Variants in ACSL6 observed in about 807,000 individuals in gnomAD.
ACSL6 encodes the protein long-chain-fatty-acid--CoA ligase 6.
A neutral mutation model predicts 98.2 loss-of-function variants in ACSL6; 47 were observed. That is an observed-to-expected ratio of 0.48 (90% CI 0.38 to 0.61). The LOEUF is 0.61. ACSL6 is among the 20% of genes least tolerant of loss of function. The pLI, the probability that ACSL6 is intolerant of heterozygous loss-of-function variation, is 0.00. For missense variants in ACSL6, 761 were observed against 913.4 expected (o/e 0.83, Z 2.15); for synonymous variants, 362 against 336.9 (o/e 1.07, Z -0.82).
intron 4 of ACSL6, 113 bp downstream of exon 4, chr5:131,989,987 C>G (rs1383690391): frequency 8.6e-7 from 1 of 1,160,506 alleles, no homozygotes; most frequent in African/African-American, 1.5e-5. Flanking sequence ...GCAGACAGGC[C>G]AGGGAAATAA....
chr5:131,951,982 C>A lies in ACSL6; in HGVS notation c.*2252G>T, dbSNP rs1212000867. The A allele has an allele frequency of 5.6e-6, 1 of 177,234 alleles. No homozygotes were observed. The highest frequency in any genetic ancestry group is 1.2e-5 in the Non-Finnish European group (1 of 82,480). The allele number at this position is 177,234 out of a possible 1,614,324, so 11.0% of individuals were successfully genotyped here. On this transcript the variant is annotated 3_prime_UTR_variant, in exon 21 of 21. Transcript: ENST00000651883. ...TAAGTTTTACATTACTTGTTTCTGT[C>A]ACATTGTTCAAAATTCTTTTGGGCT... is the stretch of plus-strand genomic sequence containing the variant.
rs1427219978 is a variant in ACSL6 at position 131,972,955 on chromosome 5, C to T, written c.1204-97G>A. ...AGGCCCAGACTGGCCAGCAGAGAAG[C>T]CATGTTCCATTTTGCCCCTGCAGGA... On this transcript the variant is annotated intron_variant, in intron 12 of 20. Transcript: ENST00000651883. The T allele has an allele frequency of 5.8e-6, 9 of 1,549,000 alleles. No individual in the cohort carries two copies. The East Asian group carries it at 1.8e-4, about 32-fold the overall frequency.
At chr5:131,967,036 G>GA (rs1329456400) in intron 16 of ACSL6, among the ~76,000 whole-genome samples, 38 of 152,276 alleles carry the variant, frequency 2.5e-4, no homozygotes, top group Admixed American at 8.5e-4. Flanking sequence ...ACAGTTAGGG[G>GA]AAAAAATGAA....
At chr5:131,985,560 T>C in intron 8 of ACSL6, 102 bp from the exon 9 acceptor site, 1 of 1,240,254 alleles carries the variant, frequency 8.1e-7, no homozygotes, top group Non-Finnish European at 1.2e-6. Flanking sequence ...ATGTATGCTG[T>C]ATGTGGGTGT....
At chr5:131,996,738 A>G (rs535155785) in intron 1 of ACSL6, among the ~76,000 whole-genome samples, 1 of 152,196 alleles carries the variant, frequency 6.6e-6, no homozygotes, top group Non-Finnish European at 1.5e-5. Context: ...TCTGTCTTTC[A>G]ACGCATCTGG....
At chr5:131,988,251 C>A in intron 6 of ACSL6, 25 bp from the exon 7 acceptor site, 1 of 1,611,690 alleles carries the variant, frequency 6.2e-7, no homozygotes, top group Non-Finnish European at 8.5e-7. Context: ...CAAGGAGAGT[C>A]AGGCCATGTG....
At chr5:131,961,749 A>G (rs977457375) in intron 18 of ACSL6, among the ~76,000 whole-genome samples, 2 of 152,162 alleles carry the variant, frequency 1.3e-5, no homozygotes, top group African/African-American at 4.8e-5. Context: ...AAATCTAAAT[A>G]GTATTGAAAG....
At chr5:131,965,569 A>C (rs1002336476) in intron 17 of ACSL6, among the ~76,000 whole-genome samples, 2 of 152,068 alleles carry the variant, frequency 1.3e-5, no homozygotes, top group Admixed American at 1.3e-4. Context: ...AAAATACAAA[A>C]AAGTTAGCCA....
rs765816586 is a variant in ACSL6, at chr5:131,988,938, A to AG, written c.553-35dup. On this transcript the variant is annotated intron_variant, in intron 5 of 20. Coordinates refer to ENST00000651883, the MANE Select transcript of ACSL6 (RefSeq NM_001009185.3). Reference sequence around the variant, plus strand: ...ACACATGAGGCGGGGGTGGGGAAGAAGGGGAGATTAGAGGGCTGTCCTGCC... The same window carrying AG: ...ACACATGAGGCGGGGGTGGGGAAGAAGGGGGAGATTAGAGGGCTGTCCTGCC... 2.5e-5 allele frequency: 40 copies of AG among 1,591,000 alleles called. 1 individual carries two copies. The South Asian group carries it at 4.4e-4, about 18-fold the overall frequency.
intron 9 of ACSL6, among the ~76,000 whole-genome samples, chr5:131,977,628 A>G (rs1398822405): frequency 6.6e-6 from 1 of 152,204 alleles, no homozygotes; most frequent in Non-Finnish European, 1.5e-5. Context: ...AAGATGTTAA[A>G]TTAGGTTCCA....
intron 1 of ACSL6, chr5:131,999,283 G>A (rs1754943763): frequency 6.6e-6 from 1 of 152,280 alleles, no homozygotes. Flanking sequence ...CATGGACAGA[G>A]AGTGCAGTGC....
intron 1 of ACSL6, among the ~76,000 whole-genome samples, chr5:132,000,800 G>A (rs950117662): frequency 2.0e-5 from 3 of 152,182 alleles, no homozygotes; most frequent in African/African-American, 7.2e-5. Flanking sequence ...CTGCTCCCTT[G>A]CTGCAAGAAT....
intron 9 of ACSL6, among the ~76,000 whole-genome samples, chr5:131,980,658 C>G (rs1753842339): frequency 6.6e-6 from 1 of 152,178 alleles, no homozygotes; most frequent in Non-Finnish European, 1.5e-5. Context: ...CCCAGCCCCA[C>G]AGCCAGTGCT....
chr5:131,965,738 G>C (rs909021730), intron 17 of ACSL6, among the ~76,000 whole-genome samples: 2 of 152,078 alleles, frequency 1.3e-5, no homozygotes, highest in Non-Finnish European at 2.9e-5. Flanking sequence ...AAATAATAAA[G>C]GATAAAGTCC....
upstream of ACSL6, chr5:132,011,750 C>A: frequency 7.7e-7 from 1 of 1,301,670 alleles, no homozygotes; most frequent in Non-Finnish European, 9.8e-7. This position sits in a 1 kb window ranked among gnomAD's most constrained non-coding sequence, Gnocchi z 5.4. Flanking sequence ...GCGCGGCGCG[C>A]ACTCGCAACC....
rs547107896 is a variant in ACSL6 at position 131,990,848 on chromosome 5, C to G, written c.385+5G>C. On this transcript the variant is annotated splice_donor_5th_base_variant and intron_variant, in intron 3 of 20. Coordinates refer to ENST00000651883, the MANE Select transcript of ACSL6 (RefSeq NM_001009185.3). ...CTCCACACCCCCCCCCACAACCCTTCTCACCTGAGATGCTAAGCCCACGGC... is the reference window on the plus strand; with the variant it reads ...CTCCACACCCCCCCCCACAACCCTTGTCACCTGAGATGCTAAGCCCACGGC... 59 of 1,605,148 alleles carry G rather than the reference C, an allele frequency of 3.7e-5. No individual in the cohort carries two copies. The highest frequency in any genetic ancestry group is 4.9e-5 in the Non-Finnish European group (57 of 1,173,120).
At chr5:131,984,442 G>A (rs1321854688) in intron 9 of ACSL6, 2 of 152,252 alleles carry the variant, frequency 1.3e-5, no homozygotes, top group Non-Finnish European at 2.9e-5. Context: ...TTCAGGGCAA[G>A]ACAAGTGACA....
Position 131,951,592 on chromosome 5 carries a change from TTC to T in ACSL6, c.*2640_*2641del, listed in dbSNP as rs1752160919. On this transcript the variant is annotated 3_prime_UTR_variant, in exon 21 of 21. Transcript: ENST00000651883. The stretch of plus-strand genomic sequence containing the variant: ...GAAACCTTGTTTTTGTTTTTTTTTT[TTC>T]TTTCTTTTTGAGACGGAGTCTCGTT... 1.6e-5 allele frequency: 3 copies of T among 182,288 alleles called. No individual in the cohort carries two copies. The highest frequency in any genetic ancestry group is 4.7e-5 in the African/African-American group (2 of 42,356). 11.3% of individuals were successfully genotyped at this position (182,288 alleles called of 1,614,324 possible).
chr5:131,958,423 A>G (rs976729349), intron 20 of ACSL6, among the ~76,000 whole-genome samples: 1 of 152,156 alleles, frequency 6.6e-6, no homozygotes, highest in Non-Finnish European at 1.5e-5. Context: ...GCCAAAATTG[A>G]CCTTTGTCTT....
Sources: gnomAD v4.1 joint callset for allele counts (sites outside exome capture counted in the v4.1 genomes callset) on GRCh38, gnomAD v4.1.1 for gene constraint, Gnocchi (gnomAD v3.1) non-coding constraint, MANE v1.5 for transcripts, NCBI Gene and HGNC (gene_info 2026-07-23, HGNC 2026-07-21) for gene names.